Variants in FAT3 observed in about 807,000 individuals in gnomAD.
The protein encoded by FAT3 is FAT atypical cadherin 3.
FAT3 carries 95 observed loss-of-function variants against 310.2 expected under a neutral mutation model. That is an observed-to-expected ratio of 0.31 (90% CI 0.26 to 0.36). The LOEUF is 0.36. FAT3 is among the 10% of genes least tolerant of loss of function. The pLI is 1.00. For missense variants in FAT3, 5,408 were observed against 5,715.6 expected (o/e 0.95, Z 1.74); for synonymous variants, 2,314 against 2,192.9 (o/e 1.06, Z -1.54).
chr11:92,274,381 G>T (rs1290289570), intron 1 of FAT3, among the ~76,000 whole-genome samples: 1 of 151,964 alleles, frequency 6.6e-6, no homozygotes, highest in African/African-American at 2.4e-5. Context: ...ATTTGATTTT[G>T]TATGAATGAC....
chr11:92,656,635 T>A (rs1844816174), intron 3 of FAT3, among the ~76,000 whole-genome samples: 1 of 152,248 alleles, frequency 6.6e-6, no homozygotes, highest in Non-Finnish European at 1.5e-5. Flanking sequence ...TACTTTCTAA[T>A]TCACAGCAAC....
At chr11:92,805,924 G>C (rs1947495119) in intron 11 of FAT3, among the ~76,000 whole-genome samples, 1 of 152,214 alleles carries the variant, frequency 6.6e-6, no homozygotes, top group South Asian at 2.1e-4. Context: ...GATTAGAAAA[G>C]TATTGCAAAT....
At chr11:92,314,477 T>C (rs1245412391) in intron 1 of FAT3, among the ~76,000 whole-genome samples, 1 of 152,198 alleles carries the variant, frequency 6.6e-6, no homozygotes, top group African/African-American at 2.4e-5. Context: ...TACTGTAGGC[T>C]TTTTTGTTTG....
At chr11:92,381,308 G>A (rs1949490068) in intron 2 of FAT3, among the ~76,000 whole-genome samples, 1 of 152,204 alleles carries the variant, frequency 6.6e-6, no homozygotes, top group Non-Finnish European at 1.5e-5. Flanking sequence ...TCGGTCAGGA[G>A]TTTGAGTCTA....
chr11:92,647,843 G>A (rs1289168314), intron 3 of FAT3, among the ~76,000 whole-genome samples: 1 of 152,120 alleles, frequency 6.6e-6, no homozygotes. Flanking sequence ...ATTGCTCCAG[G>A]ATAAGCAGGG....
chr11:92,850,577 G>A (rs1273985731), intron 19 of FAT3, among the ~76,000 whole-genome samples: 1 of 152,208 alleles, frequency 6.6e-6, no homozygotes, highest in African/African-American at 2.4e-5. Flanking sequence ...ATTAAGAAGG[G>A]AGCTTATTGA....
chr11:92,861,212 G>T (rs774284221), intron 21 of FAT3, among the ~76,000 whole-genome samples: 1 of 152,206 alleles, frequency 6.6e-6, no homozygotes, highest in Admixed American at 6.5e-5. Context: ...AGGGCTCTAC[G>T]TGGGCCTCAC....
intron 7 of FAT3, among the ~76,000 whole-genome samples, chr11:92,786,607 T>C (rs538275886): frequency 2.6e-5 from 4 of 152,294 alleles, no homozygotes; most frequent in East Asian, 1.9e-4. Flanking sequence ...CTACATATTA[T>C]GTTGGCAAGG....
chr11:92,747,637 G>C (rs1405483132), intron 4 of FAT3, among the ~76,000 whole-genome samples: 2 of 152,266 alleles, frequency 1.3e-5, no homozygotes, highest in South Asian at 2.1e-4. Flanking sequence ...GCATTGTTAG[G>C]CTGCAAAATT....
At chr11:92,473,529 G>C (rs1252340102) in intron 2 of FAT3, among the ~76,000 whole-genome samples, 1 of 152,148 alleles carries the variant, frequency 6.6e-6, no homozygotes, top group East Asian at 1.9e-4. Context: ...TGCAAATGTA[G>C]TAAGTACATC....
chr11:92,737,642 A>C (rs1945392239), intron 4 of FAT3, among the ~76,000 whole-genome samples: 1 of 152,160 alleles, frequency 6.6e-6, no homozygotes, highest in African/African-American at 2.4e-5. Flanking sequence ...ATAAGAATCA[A>C]CCTTGTTTAA....
At chr11:92,863,623 A>G (rs1349504105) in intron 21 of FAT3, among the ~76,000 whole-genome samples, 1 of 152,214 alleles carries the variant, frequency 6.6e-6, no homozygotes, top group Non-Finnish European at 1.5e-5. Flanking sequence ...TATCGTTGCT[A>G]TAGACATTTC....
intron 2 of FAT3, among the ~76,000 whole-genome samples, chr11:92,361,706 ACT>A (rs1362311232): frequency 1.3e-5 from 2 of 151,950 alleles, no homozygotes; most frequent in African/African-American, 2.4e-5. Flanking sequence ...TGACTATGAC[ACT>A]CCTCCAACAG....
chr11:92,870,136 A>G (rs931056907), intron 22 of FAT3, among the ~76,000 whole-genome samples: 2 of 152,096 alleles, frequency 1.3e-5, no homozygotes, highest in African/African-American at 4.8e-5. Context: ...CTGGCGGCAG[A>G]CTCCACTCTC....
Position 92,801,773 on chromosome 11 carries a change from T to A in FAT3, c.8760T>A (p.Asn2920Lys). ...TCAGAGTGACAGATATAAATGACAATGCACCAGTCTTCGCGCAGGAAGTGT... is the reference window on the plus strand; with the variant it reads ...TCAGAGTGACAGATATAAATGACAAAGCACCAGTCTTCGCGCAGGAAGTGT... ...VSVRVTDIND[N>K]APVFAQEVYR... is the part of the protein sequence containing the mutation. Residue 2920 changes from asparagine to lysine, a missense_variant, in exon 10 of 28, where the codon AAT becomes AAA. Physicochemically the swap from Asn to Lys is moderately conservative, Grantham distance 94. Around this residue, in one of 5 missense-constraint regions of FAT3, gnomAD observed 4,588 missense variants for 4,809.8 expected, o/e 0.95. Coordinates refer to ENST00000525166, the MANE Select transcript of FAT3 (RefSeq NM_001367949.2). 1 of 1,613,868 alleles carries A rather than the reference T, an allele frequency of 6.2e-7. No individual in the cohort carries two copies. The highest frequency in any genetic ancestry group is 8.5e-7 in the Non-Finnish European group (1 of 1,179,858).
At chr11:92,727,305 C>G (rs1290320458) in intron 4 of FAT3, among the ~76,000 whole-genome samples, 1 of 152,068 alleles carries the variant, frequency 6.6e-6, no homozygotes, top group East Asian at 1.9e-4. Context: ...TGCCAAGAGT[C>G]ACTAGTTAGG....
chr11:92,233,791 T>A (rs531499391), intron 1 of FAT3, among the ~76,000 whole-genome samples: 1 of 152,346 alleles, frequency 6.6e-6, no homozygotes, highest in African/African-American at 2.4e-5. Flanking sequence ...TCTTGTTGAA[T>A]TATACGATAA....
intron 3 of FAT3, among the ~76,000 whole-genome samples, chr11:92,644,716 T>G (rs936129742): frequency 1.3e-5 from 2 of 152,392 alleles, no homozygotes; most frequent in Non-Finnish European, 2.9e-5. Flanking sequence ...AGGCTTGTTA[T>G]GCGCACTGCT....
rs1013355992 is a variant in FAT3, at chr11:92,893,423, C to A, written c.*2310C>A. The A allele has an allele frequency of 6.6e-6, 1 of 152,188 alleles. No individual in the cohort carries two copies. Among genetic ancestry groups the A allele is most frequent in the African/African-American group, 2.4e-5 (1 of 41,444 alleles). 9.4% of individuals were successfully genotyped at this position (152,188 alleles called of 1,614,324 possible). On this transcript the variant is annotated 3_prime_UTR_variant, in exon 28 of 28. Coordinates refer to ENST00000525166, the MANE Select transcript of FAT3 (RefSeq NM_001367949.2). The stretch of plus-strand genomic sequence containing the variant: ...ATGGCCTAGAATAGAGTGACTGCTA[C>A]ACTTTAAGTAATGCAATGACATAAA...
Sources: gnomAD v4.1 joint callset for allele counts (sites outside exome capture counted in the v4.1 genomes callset) on GRCh38, gnomAD v4.1.1 for gene constraint, gnomAD v4.1.1 regional missense constraint, MANE v1.5 for transcripts, NCBI Gene and HGNC (gene_info 2026-07-23, HGNC 2026-07-21) for gene names.